SYNE2: variants seen among roughly 807,000 people sequenced by gnomAD.
The protein encoded by SYNE2 is nesprin-2.
A neutral mutation model predicts 856.3 loss-of-function variants in SYNE2; 431 were observed. The ratio of observed to expected loss-of-function variants is 0.50; its 90% CI spans 0.47 to 0.55. The LOEUF (loss-of-function observed/expected upper bound fraction) is 0.55. SYNE2 is among the 20% of genes least tolerant of loss of function. The pLI is 0.00. For synonymous variants in SYNE2, 2,923 were observed against 2,872.3 expected (o/e 1.02, Z -0.56); for missense variants, 8,129 against 8,023.2 (o/e 1.01, Z -0.50).
intron 29 of SYNE2, 85 bp downstream of exon 29, chr14:64,002,166 A>T: frequency 8.8e-7 from 1 of 1,140,448 alleles, no homozygotes; most frequent in Non-Finnish European, 1.3e-6. Context: ...TTAATTATTC[A>T]TGATAGCATA....
At position 63,977,933 on chromosome 14, in the gene SYNE2, C is replaced by T. The variant is rs566909379; in HGVS notation, c.1322C>T (p.Ser441Leu). Residue 441 changes from serine (S) to leucine (L), a missense_variant, in exon 13 of 116, where the codon TCG becomes TTG. By Grantham distance (145) the Ser-to-Leu change is moderately radical (BLOSUM62 -2). Transcript: ENST00000555002. ...KSLMDRFEHH[S>L]NILLTFENKD... ...CTGATGGATAGATTTGAGCATCATTCGAACATTCTCCTTACCTTTGAAAAT... is the reference window on the plus strand; with the variant it reads ...CTGATGGATAGATTTGAGCATCATTTGAACATTCTCCTTACCTTTGAAAAT... 1.4e-5 allele frequency: 22 copies of T among 1,613,424 alleles called. No individual in the cohort carries two copies. The highest frequency in any genetic ancestry group is 2.2e-5 in the South Asian group (2 of 91,060).
intron 1 of SYNE2, among the ~76,000 whole-genome samples, chr14:63,815,515 A>G (rs535317058): frequency 6.6e-6 from 1 of 152,102 alleles, no homozygotes; most frequent in Non-Finnish European, 1.5e-5. Context: ...CACCCAGATT[A>G]AGGGTGAGTC....
intron 2 of SYNE2, among the ~76,000 whole-genome samples, chr14:63,937,914 G>A (rs1193028990): frequency 6.6e-6 from 1 of 152,196 alleles, no homozygotes; most frequent in Non-Finnish European, 1.5e-5. Flanking sequence ...AACTGGCAGA[G>A]TCAATGGCTT....
intron 85 of SYNE2, among the ~76,000 whole-genome samples, chr14:64,158,256 A>G (rs2098301180): frequency 6.6e-6 from 1 of 152,146 alleles, no homozygotes; most frequent in African/African-American, 2.4e-5. Flanking sequence ...TGTTTTGTGG[A>G]TGAGGAAACT....
chr14:64,166,747 C>A (rs1311917305), intron 90 of SYNE2: 1 of 211,624 alleles, frequency 4.7e-6, no homozygotes. Flanking sequence ...GAGTTTTAGA[C>A]CAGCTGGCCA....
At chr14:64,149,757 G>A (rs532130383) in intron 84 of SYNE2, among the ~76,000 whole-genome samples, 1 of 152,232 alleles carries the variant, frequency 6.6e-6, no homozygotes, top group Admixed American at 6.5e-5. Context: ...TCCATAATTA[G>A]CAAAAGATTA....
chr14:63,945,087 G>A (rs1287104459), intron 6 of SYNE2, among the ~76,000 whole-genome samples: 1 of 140,336 alleles, frequency 7.1e-6, no homozygotes, highest in African/African-American at 2.6e-5. Flanking sequence ...TTATAGGCAT[G>A]AGCCACCACA....
Position 64,225,739 on chromosome 14 carries a change from C to T in SYNE2, c.*213C>T. ...AGCAGGGAACCTGTGTGGCAGGTGC[C>T]CCGGGTATTTTGGCAGAACTAGTTG... On this transcript the variant is annotated 3_prime_UTR_variant, in exon 116 of 116. Coordinates refer to ENST00000555002, the MANE Select transcript of SYNE2 (RefSeq NM_182914.3). 1 of 619,460 alleles carries T rather than the reference C, an allele frequency of 1.6e-6. No individual in the cohort carries two copies. Among genetic ancestry groups the T allele is most frequent in the Non-Finnish European group, 2.9e-6 (1 of 347,578 alleles). The allele number at this position is 619,460 out of a possible 1,614,324, so 38.4% of individuals were successfully genotyped here. A position where few individuals can be genotyped will look rare whatever the true frequency, so the allele number is the denominator to read the frequency against.
At chr14:63,915,572 A>G (rs577770212) in intron 2 of SYNE2, among the ~76,000 whole-genome samples, 2 of 152,316 alleles carry the variant, frequency 1.3e-5, no homozygotes, top group South Asian at 4.1e-4. Context: ...ACAGGAGTTA[A>G]CTTGCAAGCA....
intron 88 of SYNE2, among the ~76,000 whole-genome samples, chr14:64,163,009 G>A (rs1021664491): frequency 1.3e-5 from 2 of 152,148 alleles, no homozygotes; most frequent in Non-Finnish European, 2.9e-5. Flanking sequence ...GTTTCTGCAC[G>A]TGAATCCATT....
intron 101 of SYNE2, 150 bp downstream of exon 101, chr14:64,209,095 A>C (rs1470171537): frequency 9.2e-7 from 1 of 1,092,568 alleles, no homozygotes; most frequent in East Asian, 2.6e-5. Flanking sequence ...CAAAGGATTT[A>C]TTCAAGAAAA....
chr14:63,831,625 G>A (rs1252749573), intron 1 of SYNE2, among the ~76,000 whole-genome samples: 11 of 139,096 alleles, frequency 7.9e-5, no homozygotes, highest in African/African-American at 2.8e-4. Flanking sequence ...GCACAATCTC[G>A]GCTCACTGAA....
rs146819341 is a variant in SYNE2, at chr14:64,167,246, C to G, written c.16619C>G (p.Ala5540Gly). Reference protein sequence around the residue: ...NPDSFLNHVLALTAQSPDIEH... With the variant: ...NPDSFLNHVLGLTAQSPDIEH... ...TTTTAAAAATAGAATCATGTGCTGG[C>G]ACTGACAGCCCAATCACCTGATATT... Residue 5540 changes from alanine to glycine, a missense_variant, in exon 91 of 116, where the codon GCA becomes GGA. By Grantham distance (60) the Ala-to-Gly change is moderately conservative. This residue lies in a region of SYNE2 where 5,410 missense variants were observed against 5,284.8 expected (regional missense o/e 1.02). Coordinates refer to ENST00000555002, the MANE Select transcript of SYNE2 (RefSeq NM_182914.3). The G allele has an allele frequency of 1.3e-4, 205 of 1,614,192 alleles. No individual in the cohort carries two copies. The African/African-American group carries it at 2.6e-3, about 21-fold the overall frequency.
At chr14:64,177,849 C>T (rs1035357979) in intron 96 of SYNE2, among the ~76,000 whole-genome samples, 22 of 152,168 alleles carry the variant, frequency 1.4e-4, no homozygotes, top group African/African-American at 5.3e-4. Flanking sequence ...TAAAATATGA[C>T]TAAAGAATTC....
At chr14:64,119,004 G>A (rs2153663821) in intron 66 of SYNE2, among the ~76,000 whole-genome samples, 1 of 152,184 alleles carries the variant, frequency 6.6e-6, no homozygotes. Context: ...GGTGAGTTCG[G>A]TTATTATCTT....
At chr14:63,960,905 G>T in intron 8 of SYNE2, 1 of 573,658 alleles carries the variant, frequency 1.7e-6, no homozygotes, top group East Asian at 2.8e-5. Flanking sequence ...AGATAAATAA[G>T]ATTTTGTAGT....
At chr14:64,163,376 G>A in intron 88 of SYNE2, 26 bp from the exon 89 acceptor site, 1 of 1,613,064 alleles carries the variant, frequency 6.2e-7, no homozygotes. Context: ...AGGAAGAGGT[G>A]TTTGCCATCC....
chr14:64,059,040 C>T (rs966886488), intron 49 of SYNE2, among the ~76,000 whole-genome samples: 4 of 152,002 alleles, frequency 2.6e-5, no homozygotes, highest in East Asian at 1.9e-4. Flanking sequence ...CGTTGTTAAA[C>T]GTATCTGATA....
chr14:64,098,534 AG>A, intron 62 of SYNE2: 2 of 619,700 alleles, frequency 3.2e-6, no homozygotes, highest in Non-Finnish European at 5.7e-6. Context: ...GAAGGGGCAC[AG>A]GGGGCCATGA....
Sources: allele counts gnomAD v4.1 joint callset (sites outside exome capture counted in the v4.1 genomes callset), GRCh38; gene constraint gnomAD v4.1.1; regional missense constraint gnomAD v4.1.1; transcripts MANE v1.5; gene names NCBI Gene and HGNC (gene_info 2026-07-23, HGNC 2026-07-21).